Variants in SPMIP4 observed in about 807,000 individuals in gnomAD.
SPMIP4 encodes sperm-associated microtubule inner protein 4.
the SPMIP4 span, among the ~76,000 whole-genome samples, chr7:25,174,236 C>T: frequency 6.7e-5 from 10 of 149,062 alleles, no homozygotes; most frequent in South Asian, 8.4e-4. The surrounding 1 kb of genome is among the most constrained non-coding windows in gnomAD (Gnocchi z 4.5). Flanking sequence ...TTTCCTCCCC[C>T]TCTCTCTCAC....
the SPMIP4 span, among the ~76,000 whole-genome samples, chr7:25,173,821 A>G: frequency 6.6e-6 from 1 of 152,218 alleles, no homozygotes; most frequent in Non-Finnish European, 1.5e-5. This position sits in a 1 kb window ranked among gnomAD's most constrained non-coding sequence, Gnocchi z 4.4. Flanking sequence ...CCGGTAGAAA[A>G]TGCTAATCAA....
the SPMIP4 span, chr7:25,161,327 A>G: frequency 1.2e-6 from 1 of 831,330 alleles, no homozygotes; most frequent in South Asian, 1.9e-5. Context: ...GTGAGATAGT[A>G]AAAGACAAAT....
At chr7:25,142,332 C>T in the SPMIP4 span, 1 of 1,585,502 alleles carries the variant, frequency 6.3e-7, no homozygotes, top group Non-Finnish European at 8.6e-7. Context: ...GGGCCCCAGA[C>T]CTTAATGGAA....
chr7:25,132,773 A>G, the SPMIP4 span, among the ~76,000 whole-genome samples: 4 of 152,250 alleles, frequency 2.6e-5, no homozygotes, highest in South Asian at 2.1e-4. The surrounding 1 kb of genome is among the most constrained non-coding windows in gnomAD (Gnocchi z 5.0). Context: ...TCTAGATGTT[A>G]AAGAGTTGCT....
At chr7:25,142,061 CCCAAA>C in the SPMIP4 span, among the ~76,000 whole-genome samples, 10 of 152,172 alleles carry the variant, frequency 6.6e-5, no homozygotes, top group Admixed American at 3.3e-4. Flanking sequence ...TGCTTGTTTT[CCCAAA>C]CAGCAGACAA....
At chr7:25,174,525 T>C in the SPMIP4 span, among the ~76,000 whole-genome samples, 1 of 152,176 alleles carries the variant, frequency 6.6e-6, no homozygotes, top group Non-Finnish European at 1.5e-5. This position sits in a 1 kb window ranked among gnomAD's most constrained non-coding sequence, Gnocchi z 4.5. Context: ...GAGGCGTGAC[T>C]AGAGAAAAGC....
the SPMIP4 span, chr7:25,161,037 T>A: frequency 3.3e-4 from 166 of 505,136 alleles, 3 homozygotes; most frequent in South Asian, 5.0e-3. Flanking sequence ...TTTGTTTGTT[T>A]GGTCTTGGTT....
the SPMIP4 span, chr7:25,142,388 T>C: frequency 8.1e-7 from 1 of 1,230,328 alleles, no homozygotes; most frequent in South Asian, 1.4e-5. Flanking sequence ...ACGACAGTTA[T>C]ATTACCCTTT....
At chr7:25,166,757 G>T in the SPMIP4 span, among the ~76,000 whole-genome samples, 2 of 151,952 alleles carry the variant, frequency 1.3e-5, no homozygotes, top group Non-Finnish European at 2.9e-5. Flanking sequence ...AGCTGGGCGT[G>T]GTGGCACACG....
At chr7:25,164,797 G>T in the SPMIP4 span, among the ~76,000 whole-genome samples, 1 of 152,034 alleles carries the variant, frequency 6.6e-6, no homozygotes, top group Non-Finnish European at 1.5e-5. Context: ...TTCCCCCTGA[G>T]TCCCCAGAGT....
chr7:25,179,462 C>T, the SPMIP4 span: 1 of 650,908 alleles, frequency 1.5e-6, no homozygotes, highest in Non-Finnish European at 2.4e-6. Context: ...TGAAAGCCGT[C>T]AAATCAGTAA....
At chr7:25,141,243 T>C in the SPMIP4 span, among the ~76,000 whole-genome samples, 1 of 152,174 alleles carries the variant, frequency 6.6e-6, no homozygotes. Flanking sequence ...AGGAAGCCTT[T>C]ATTTCTTCAA....
At chr7:25,161,283 A>T in the SPMIP4 span, 9 of 1,324,406 alleles carry the variant, frequency 6.8e-6, no homozygotes, top group East Asian at 1.9e-4. Flanking sequence ...AAAAGATTAA[A>T]TTAAACATGT....
At chr7:25,150,422 G>A in the SPMIP4 span, among the ~76,000 whole-genome samples, 1 of 152,092 alleles carries the variant, frequency 6.6e-6, no homozygotes, top group Non-Finnish European at 1.5e-5. Flanking sequence ...AAAAACAAAC[G>A]GGAAATGACT....
At chr7:25,137,953 A>C in the SPMIP4 span, among the ~76,000 whole-genome samples, 1 of 152,192 alleles carries the variant, frequency 6.6e-6, no homozygotes, top group Admixed American at 6.5e-5. Flanking sequence ...TTACCAGTAA[A>C]ACCACTTGGG....
At chr7:25,177,648 TTGTG>T in the SPMIP4 span, among the ~76,000 whole-genome samples, 2 of 152,228 alleles carry the variant, frequency 1.3e-5, no homozygotes, top group Non-Finnish European at 2.9e-5. Flanking sequence ...GGCAAATTAC[TTGTG>T]TGTATCTGTT....
the SPMIP4 span, chr7:25,136,537 T>C: frequency 6.2e-7 from 1 of 1,614,230 alleles, no homozygotes; most frequent in Middle Eastern, 1.6e-4. The surrounding 1 kb of genome is among the most constrained non-coding windows in gnomAD (Gnocchi z 5.7). Flanking sequence ...CAGCAAGCTC[T>C]GTTCTTCTAT....
At chr7:25,141,235 G>A in the SPMIP4 span, among the ~76,000 whole-genome samples, 1 of 152,110 alleles carries the variant, frequency 6.6e-6, no homozygotes, top group African/African-American at 2.4e-5. Flanking sequence ...ATATCAGGAG[G>A]AAGCCTTTAT....
the SPMIP4 span, among the ~76,000 whole-genome samples, chr7:25,129,697 A>G: frequency 6.6e-6 from 1 of 152,066 alleles, no homozygotes; most frequent in African/African-American, 2.4e-5. Context: ...GGAGGCTTCC[A>G]TTTGGCCATC....
Sources: gnomAD v4.1 joint callset for allele counts (sites outside exome capture counted in the v4.1 genomes callset) on GRCh38, gnomAD v4.1.1 for gene constraint, Gnocchi (gnomAD v3.1) non-coding constraint, MANE v1.5 for transcripts, NCBI Gene and HGNC (gene_info 2026-07-23, HGNC 2026-07-21) for gene names.